Variants in SCRN1 observed in about 807,000 individuals in gnomAD.
SCRN1 encodes secernin 1.
Under a neutral mutation model 43.3 loss-of-function variants are expected in SCRN1, and 19 were observed. The observed-to-expected ratio is 0.44, with a 90% confidence interval of 0.31 to 0.64. The LOEUF (loss-of-function observed/expected upper bound fraction) is 0.64. Ranked by LOEUF, SCRN1 falls within the 30% of genes least tolerant of loss-of-function variation. The probability of loss-of-function intolerance (pLI) is 0.09; values close to 1 mark genes in which losing one functional copy is unlikely to be tolerated. For synonymous variants in SCRN1, 183 were observed against 188.9 expected (o/e 0.97, Z 0.26); for missense variants, 447 against 524.1 (o/e 0.85, Z 1.44).
At chr7:29,947,614 G>A (rs1024461002) in intron 3 of SCRN1, among the ~76,000 whole-genome samples, 13 of 152,204 alleles carry the variant, frequency 8.5e-5, no homozygotes, top group Non-Finnish European at 1.6e-4. Flanking sequence ...AGGCCCTTCT[G>A]AGGTCAGGAC....
chr7:29,985,569 G>T (rs1369388548), intron 1 of SCRN1, among the ~76,000 whole-genome samples: 1 of 151,898 alleles, frequency 6.6e-6, no homozygotes, highest in African/African-American at 2.4e-5. Flanking sequence ...ATCTCATTTC[G>T]ATATGGGAAC....
intron 6 of SCRN1, among the ~76,000 whole-genome samples, chr7:29,932,226 G>A (rs1450932627): frequency 2.6e-5 from 4 of 152,156 alleles, no homozygotes; most frequent in African/African-American, 7.2e-5. Flanking sequence ...AGGGCCTTCG[G>A]CTCTGTCTAT....
chr7:29,939,458 C>T (rs1787457198), intron 5 of SCRN1, among the ~76,000 whole-genome samples: 1 of 152,138 alleles, frequency 6.6e-6, no homozygotes, highest in African/African-American at 2.4e-5. Flanking sequence ...TCAAGTGATC[C>T]TCTGCCTCAG....
chr7:29,924,522 G>A (rs1786876648), intron 7 of SCRN1, among the ~76,000 whole-genome samples: 1 of 152,146 alleles, frequency 6.6e-6, no homozygotes, highest in Non-Finnish European at 1.5e-5. Context: ...GCGCTTGGTC[G>A]ACGTGCACCC....
chr7:29,926,474 C>G lies in SCRN1; in HGVS notation c.1064G>C (p.Arg355Pro). 6.2e-7 allele frequency: 1 copy of G among 1,613,468 alleles called. No individual in the cohort carries two copies. Among genetic ancestry groups the G allele is most frequent in the Non-Finnish European group, 8.5e-7 (1 of 1,179,758 alleles). The change falls in exon 7 of 8, where the codon CGT (arginine) becomes CCT (proline). Residue 355 changes from arginine to proline, a missense_variant. Coordinates refer to ENST00000242059, the MANE Select transcript of SCRN1 (RefSeq NM_014766.5). Reference sequence around the variant, plus strand: ...CACCTGGTCACTTTCGATGATGGCACGTGCCCACTCGTGGGCTTTGTACAG... The same window carrying G: ...CACCTGGTCACTTTCGATGATGGCAGGTGCCCACTCGTGGGCTTTGTACAG... Reference protein sequence around the residue: ...HELYKAHEWARAIIESDQEQG... With the variant: ...HELYKAHEWAPAIIESDQEQG...
chr7:29,975,485 T>C lies in SCRN1; in HGVS notation c.-1-6417A>G, dbSNP rs536305276. On this transcript the variant is annotated intron_variant, in intron 1 of 7. Transcript: ENST00000242059. ...ACTGTATGTTGTGGCCTTTTTGTGG[T>C]TTATGAAATCAATTTAGTGGATAGG... Among the ~76,000 whole-genome samples the C allele has an allele frequency of 3.3e-4, 50 of 152,302 alleles. No individual in the cohort carries two copies. In the South Asian group the frequency reaches 1.0e-2, roughly 30 times the overall value.
chr7:29,950,316 C>T lies in SCRN1; in HGVS notation c.341+4863G>A, dbSNP rs558920080. On this transcript the variant is annotated intron_variant, in intron 3 of 7. Transcript: ENST00000242059. This position sits in a 1 kb window ranked among gnomAD's most constrained non-coding sequence, Gnocchi z 4.5. The stretch of plus-strand genomic sequence containing the variant: ...CTGACACACCAGCCCCCTGCCGCCT[C>T]GGGCTTCTCCAGACTTTGGGCATCA... 4.6e-5 allele frequency among the ~76,000 whole-genome samples: 7 copies of T among 152,316 alleles called. No homozygotes were observed. Among genetic ancestry groups the T allele is most frequent in the Non-Finnish European group, 7.4e-5 (5 of 68,022 alleles).
At chr7:29,924,860 T>C (rs1786889275) in intron 7 of SCRN1, among the ~76,000 whole-genome samples, 1 of 151,948 alleles carries the variant, frequency 6.6e-6, no homozygotes, top group Non-Finnish European at 1.5e-5. Context: ...GCCCCATGAG[T>C]CCCAGAACTG....
intron 1 of SCRN1, chr7:29,989,325 G>C (rs1424654015): frequency 6.5e-6 from 1 of 154,918 alleles, no homozygotes; most frequent in African/African-American, 2.4e-5. Flanking sequence ...TTGGCTGCCA[G>C]GAAAAGGAAA....
At chr7:29,962,267 A>G (rs957611908) in intron 2 of SCRN1, among the ~76,000 whole-genome samples, 1 of 147,862 alleles carries the variant, frequency 6.8e-6, no homozygotes, top group East Asian at 1.9e-4. Context: ...ATAATTGTTT[A>G]TATATAATTA....
At chr7:29,931,571 C>G (rs1363226846) in intron 6 of SCRN1, among the ~76,000 whole-genome samples, 1 of 152,190 alleles carries the variant, frequency 6.6e-6, no homozygotes, top group Admixed American at 6.5e-5. Flanking sequence ...TTCCATACAC[C>G]TTATACTGCT....
At chr7:29,964,927 G>A (rs747291639) in intron 2 of SCRN1, among the ~76,000 whole-genome samples, 1 of 151,244 alleles carries the variant, frequency 6.6e-6, no homozygotes, top group Non-Finnish European at 1.5e-5. Context: ...GGGCGACAAA[G>A]CTAGACTCTG....
intron 6 of SCRN1, among the ~76,000 whole-genome samples, chr7:29,928,821 CTGT>C (rs2128086509): frequency 6.6e-6 from 1 of 152,280 alleles, no homozygotes; most frequent in African/African-American, 2.4e-5. Context: ...GAATGAATGG[CTGT>C]TGAATATGAA....
intron 1 of SCRN1, chr7:29,988,629 G>C (rs1172624258): frequency 1.3e-5 from 2 of 152,430 alleles, no homozygotes; most frequent in East Asian, 3.8e-4. Flanking sequence ...ACCAGGCTGG[G>C]AACACAACAC....
At chr7:29,941,012 G>T in intron 4 of SCRN1, 136 bp from the exon 5 acceptor site, 1 of 717,686 alleles carries the variant, frequency 1.4e-6, no homozygotes, top group Non-Finnish European at 2.0e-6. Context: ...TTTTTGAAGA[G>T]AGAAACAGAC....
chr7:29,989,299 C>T (rs575855756), intron 1 of SCRN1: 1 of 152,846 alleles, frequency 6.5e-6, no homozygotes, highest in African/African-American at 2.4e-5. Context: ...ACAGGCACAT[C>T]CCAGTGGGCA....
At position 29,947,380 on chromosome 7, in the gene SCRN1, ACT is replaced by A. The variant is rs1787770215; in HGVS notation, c.342-3203_342-3202del. Reference sequence around the variant, plus strand: ...CTGCTTAAAGCCCGTTTGTTTAGAAACTCTGCTTATCTTTTCAACATCTGTGC... The same window carrying A: ...CTGCTTAAAGCCCGTTTGTTTAGAAACTGCTTATCTTTTCAACATCTGTGC... On this transcript the variant is annotated intron_variant, in intron 3 of 7. Transcript: ENST00000242059. 2.6e-6 allele frequency: 4 copies of A among 1,529,058 alleles called. No homozygotes were observed. In the South Asian group the frequency reaches 4.9e-5, roughly 19 times the overall value. The allele number at this position is 1,529,058 out of a possible 1,614,324, so 94.7% of individuals were successfully genotyped here.
chr7:29,924,122 A>G lies in SCRN1; in HGVS notation c.1087-7T>C, dbSNP rs1271362918. On this transcript the variant is annotated splice_region_variant and splice_polypyrimidine_tract_variant and intron_variant, in intron 7 of 7. Coordinates refer to ENST00000242059, the MANE Select transcript of SCRN1 (RefSeq NM_014766.5). ...TCAGCTTGCGACCTTGCTCCTGAGG[A>G]AGGACACGACTGCTTTAGGTGTCAG... 1 of 1,609,214 alleles carries G rather than the reference A, an allele frequency of 6.2e-7. No individual in the cohort carries two copies.
intron 5 of SCRN1, among the ~76,000 whole-genome samples, chr7:29,937,029 G>A (rs1204047307): frequency 1.3e-5 from 2 of 152,154 alleles, no homozygotes; most frequent in Non-Finnish European, 2.9e-5. Context: ...CTGGGCGACA[G>A]AGCGAGACTC....
Sources: allele counts gnomAD v4.1 joint callset (sites outside exome capture counted in the v4.1 genomes callset), GRCh38; gene constraint gnomAD v4.1.1; non-coding constraint Gnocchi (gnomAD v3.1); transcripts MANE v1.5; gene names NCBI Gene and HGNC (gene_info 2026-07-23, HGNC 2026-07-21).